The following CENPQ variants were observed in gnomAD, a reference collection of about 807,000 sequenced individuals.
CENPQ encodes centromere protein Q, also known as chromosome 6 open reading frame 139.
In CENPQ, 27 loss-of-function variants were observed where a neutral mutation model predicts 36.6. That is an observed-to-expected ratio of 0.74 (90% CI 0.54 to 1.02). The LOEUF (loss-of-function observed/expected upper bound fraction) is 1.02, where lower values mean the gene tolerates loss of function less well. CENPQ is among the 50% of genes least tolerant of loss of function. The probability of loss-of-function intolerance (pLI) is 0.00; values close to 1 mark genes in which losing one functional copy is unlikely to be tolerated. For synonymous variants in CENPQ, 101 were observed against 101.7 expected (o/e 0.99, Z 0.04); for missense variants, 306 against 301.8 (o/e 1.01, Z -0.10).
chr6:49,490,620 G>A (rs1009245676), intron 8 of CENPQ, among the ~76,000 whole-genome samples: 5 of 152,196 alleles, frequency 3.3e-5, no homozygotes, highest in South Asian at 2.1e-4. Context: ...TTTGGTTTGC[G>A]TGGCTTTTGA....
intron 8 of CENPQ, 122 bp downstream of exon 8, chr6:49,488,806 C>A: frequency 1.3e-6 from 1 of 758,464 alleles, no homozygotes; most frequent in Non-Finnish European, 2.3e-6. Context: ...TTTTGGTTTC[C>A]CACGGCATAT....
intron 6 of CENPQ, among the ~76,000 whole-genome samples, chr6:49,483,423 C>T (rs1169176438): frequency 6.6e-6 from 1 of 152,190 alleles, no homozygotes; most frequent in Non-Finnish European, 1.5e-5. Context: ...TGCGCCCGCA[C>T]TCCTCAGCCC....
At chr6:49,487,839 A>T (rs1038728156) in intron 6 of CENPQ, among the ~76,000 whole-genome samples, 1 of 151,974 alleles carries the variant, frequency 6.6e-6, no homozygotes, top group South Asian at 2.1e-4. Flanking sequence ...TAAATTATGT[A>T]TTCCTTTAAT....
intron 5 of CENPQ, among the ~76,000 whole-genome samples, chr6:49,476,233 C>T (rs892901543): frequency 6.4e-4 from 98 of 152,198 alleles, no homozygotes; most frequent in African/African-American, 2.3e-3. Context: ...GAGATAGAGA[C>T]CAATGGAACA....
chr6:49,471,629 T>A (rs1433087110), intron 3 of CENPQ, among the ~76,000 whole-genome samples: 1 of 152,198 alleles, frequency 6.6e-6, no homozygotes, highest in Non-Finnish European at 1.5e-5. Context: ...TTCTTTTTTT[T>A]AATACCTAAT....
chr6:49,486,013 T>A (rs558672868), intron 6 of CENPQ, among the ~76,000 whole-genome samples: 1 of 152,212 alleles, frequency 6.6e-6, no homozygotes, highest in Non-Finnish European at 1.5e-5. Flanking sequence ...GATCTCAAGA[T>A]GAAGCATCCT....
chr6:49,490,186 T>C (rs1365214490), intron 8 of CENPQ, among the ~76,000 whole-genome samples: 1 of 152,256 alleles, frequency 6.6e-6, no homozygotes, highest in East Asian at 1.9e-4. Context: ...AAATATGTTG[T>C]TTACTATAGC....
At chr6:49,468,562 A>T (rs764266974) in intron 1 of CENPQ, among the ~76,000 whole-genome samples, 1 of 151,900 alleles carries the variant, frequency 6.6e-6, no homozygotes, top group Non-Finnish European at 1.5e-5. Flanking sequence ...GCACCACTGC[A>T]CTCCAGCCCA....
intron 6 of CENPQ, among the ~76,000 whole-genome samples, chr6:49,483,643 A>G (rs1325104185): frequency 1.3e-5 from 2 of 152,192 alleles, no homozygotes; most frequent in Non-Finnish European, 2.9e-5. Context: ...TACACCCTCC[A>G]CAGCCGCTGG....
At position 49,470,251 on chromosome 6, in the gene CENPQ, T is replaced by C. The variant is rs200757567; in HGVS notation, c.75T>C (p.Asn25=). ...LKRNPKRKKD[N]EEVVLSENKV... is the part of the protein sequence containing the mutation. ...GAAATCCAAAGAGAAAAAAGGATAA[T>C]GAGGAAGTTGTGTTGTCAGAGAATA... is the stretch of plus-strand genomic sequence containing the variant. Residue 25 remains asparagine, a synonymous_variant, in exon 2 of 9, where the codon AAT becomes AAC. Transcript: ENST00000335783. 1 of 1,601,846 alleles carries C rather than the reference T, an allele frequency of 6.2e-7. No homozygotes were observed. The highest frequency in any genetic ancestry group is 1.1e-5 in the South Asian group (1 of 90,302).
At chr6:49,482,273 G>C (rs942867998) in intron 6 of CENPQ, among the ~76,000 whole-genome samples, 16 of 152,238 alleles carry the variant, frequency 1.1e-4, no homozygotes, top group Non-Finnish European at 1.9e-4. Flanking sequence ...GGCTCCCACA[G>C]TGCAGCGGTG....
At chr6:49,479,923 A>G (rs1023268616) in intron 5 of CENPQ, among the ~76,000 whole-genome samples, 1 of 152,152 alleles carries the variant, frequency 6.6e-6, no homozygotes, top group African/African-American at 2.4e-5. Context: ...CATTGAATAT[A>G]TATGGACACA....
intron 5 of CENPQ, among the ~76,000 whole-genome samples, chr6:49,475,069 A>G (rs910009487): frequency 3.9e-5 from 6 of 152,208 alleles, no homozygotes; most frequent in Admixed American, 3.9e-4. Context: ...GCCGAATTCT[A>G]CCAGAGATAC....
At chr6:49,479,175 T>G (rs540196073) in intron 5 of CENPQ, among the ~76,000 whole-genome samples, 14 of 151,978 alleles carry the variant, frequency 9.2e-5, no homozygotes, top group African/African-American at 2.9e-4. Context: ...ATTTGTGGGG[T>G]TTTTGCTGCC....
intron 3 of CENPQ, among the ~76,000 whole-genome samples, chr6:49,471,281 G>A (rs573454911): frequency 6.6e-6 from 1 of 152,180 alleles, no homozygotes; most frequent in East Asian, 1.9e-4. Context: ...ACTCAAAGTG[G>A]CCCACAGCCT....
At chr6:49,471,168 T>G in intron 3 of CENPQ, 140 bp downstream of exon 3, 1 of 456,548 alleles carries the variant, frequency 2.2e-6, no homozygotes, top group East Asian at 3.5e-5. Context: ...TGTAAGAATA[T>G]GTAGTAGTGG....
intron 2 of CENPQ, among the ~76,000 whole-genome samples, chr6:49,470,773 C>A (rs1482472358): frequency 6.6e-6 from 1 of 151,966 alleles, no homozygotes; most frequent in Non-Finnish European, 1.5e-5. Context: ...TTATTATCAT[C>A]ATTGTCAAGA....
intron 1 of CENPQ, 84 bp from the exon 2 acceptor site, chr6:49,470,075 A>G (rs1415019954): frequency 1.6e-6 from 1 of 614,232 alleles, no homozygotes; most frequent in Admixed American, 3.6e-5. Flanking sequence ...CATTTACAGG[A>G]TAGTTTTTTA....
At chr6:49,470,385 C>T (rs373628396) in intron 2 of CENPQ, 107 bp downstream of exon 2, 4 of 572,984 alleles carry the variant, frequency 7.0e-6, no homozygotes, top group South Asian at 4.7e-5. Context: ...GGGTGGATCA[C>T]GAGGTCAGGA....
Sources: gnomAD v4.1 joint callset for allele counts (sites outside exome capture counted in the v4.1 genomes callset) on GRCh38, gnomAD v4.1.1 for gene constraint, MANE v1.5 for transcripts, NCBI Gene and HGNC (gene_info 2026-07-23, HGNC 2026-07-21) for gene names.